Variants in EFHB observed in about 807,000 individuals in gnomAD.
The protein encoded by EFHB is EF-hand domain-containing family member B.
EFHB carries 91 observed loss-of-function variants against 87.2 expected under a neutral mutation model. That is an observed-to-expected ratio of 1.04 (90% CI 0.88 to 1.24). EFHB has a LOEUF of 1.24. Ranked by LOEUF, EFHB falls within the 50% of genes most tolerant of loss-of-function variation. EFHB has a pLI of 0.00. For missense variants in EFHB, 1,084 were observed against 998.8 expected (o/e 1.09, Z -1.15); for synonymous variants, 325 against 333.6 (o/e 0.97, Z 0.28).
Position 19,903,884 on chromosome 3 carries a change from A to T in EFHB, c.1418+1736T>A, listed in dbSNP as rs544421640. Among the ~76,000 whole-genome samples the T allele has an allele frequency of 5.3e-5, 8 of 152,298 alleles. No individual in the cohort carries two copies. The South Asian group carries it at 1.7e-3, about 32-fold the overall frequency. The stretch of plus-strand genomic sequence containing the variant: ...TGATACGTCTGAGCTGCATGATCTT[A>T]GGCAAATGATTTAACCCCTCTGTAC... On this transcript the variant is annotated intron_variant, in intron 6 of 12. Coordinates refer to ENST00000295824, the MANE Select transcript of EFHB (RefSeq NM_144715.4).
chr3:19,888,845 T>C (rs960264884), intron 9 of EFHB, among the ~76,000 whole-genome samples, 194 bp from the exon 10 acceptor site: 8 of 152,240 alleles, frequency 5.3e-5, no homozygotes, highest in African/African-American at 1.4e-4. Flanking sequence ...GGGCTTGACA[T>C]TTCATATGAC....
chr3:19,915,285 G>A lies in EFHB; in HGVS notation c.1288+18C>T. On this transcript the variant is annotated intron_variant, in intron 5 of 12. Coordinates refer to ENST00000295824, the MANE Select transcript of EFHB (RefSeq NM_144715.4). ...AGTCCCATATCCTCAGGCCCATTTT[G>A]CATCGGAGGACACTTACCTGCATAA... 1 of 1,551,018 alleles carries A rather than the reference G, an allele frequency of 6.4e-7. No homozygotes were observed. Among genetic ancestry groups the A allele is most frequent in the Non-Finnish European group, 8.9e-7 (1 of 1,127,392 alleles).
rs1376065998 is a variant in EFHB, at chr3:19,908,588, GAGAGAGAGAGAGAA to G, written c.1289-2853_1289-2840del. Reference sequence around the variant, plus strand: ...AGAGAGAGAGAGAGAGAGAGAGAGAGAGAGAGAGAGAGAAAGAAAGAAAGAAAGAAAGAAAGAAA... The same window carrying G: ...AGAGAGAGAGAGAGAGAGAGAGAGAGAGAAAGAAAGAAAGAAAGAAAGAAA... On this transcript the variant is annotated intron_variant, in intron 5 of 12. Transcript: ENST00000295824. 3.5e-3 allele frequency among the ~76,000 whole-genome samples: 428 copies of G among 121,624 alleles called. 2 individuals carry two copies. Among genetic ancestry groups the G allele is most frequent in the African/African-American group, 9.7e-3 (245 of 25,304 alleles). 79.8% of individuals were successfully genotyped at this position (121,624 alleles called of 152,430 possible). A position where few individuals can be genotyped will look rare whatever the true frequency, so the allele number is the denominator to read the frequency against.
intron 1 of EFHB, among the ~76,000 whole-genome samples, chr3:19,929,163 C>T (rs1305511392): frequency 2.6e-5 from 4 of 151,654 alleles, no homozygotes; most frequent in Non-Finnish European, 5.9e-5. Context: ...AAACTCTATC[C>T]TTAAGCAAAT....
At chr3:19,901,585 T>C (rs1464721399) in intron 6 of EFHB, among the ~76,000 whole-genome samples, 1 of 152,120 alleles carries the variant, frequency 6.6e-6, no homozygotes, top group East Asian at 1.9e-4. Context: ...GGGGGAAGAA[T>C]GTAGGTGGAG....
chr3:19,895,286 C>T (rs1231125192), intron 9 of EFHB, among the ~76,000 whole-genome samples: 2 of 151,552 alleles, frequency 1.3e-5, no homozygotes, highest in African/African-American at 4.8e-5. Flanking sequence ...TCGAGACCAT[C>T]CTGGCTAACA....
rs749205234 is a variant in EFHB, at chr3:19,896,796, C to T, written c.1616G>A (p.Arg539Gln). Residue 539 changes from arginine (R) to glutamine (Q), a missense_variant, in exon 9 of 13, where the codon CGA becomes CAA. Arg to Gln is a conservative substitution (Grantham distance 43). Coordinates refer to ENST00000295824, the MANE Select transcript of EFHB (RefSeq NM_144715.4). ...IHNRLPDEYL[R>Q]GKDRQRALIA... is the part of the protein sequence containing the mutation. The stretch of plus-strand genomic sequence containing the variant: ...CAGGGCTCGCTGTCTATCCTTGCCT[C>T]GAAGATATTCATCCGGAAGTCTATT... 2.4e-5 allele frequency: 38 copies of T among 1,613,864 alleles called. No individual in the cohort carries two copies. Among genetic ancestry groups the T allele is most frequent in the Non-Finnish European group, 3.0e-5 (35 of 1,179,870 alleles).
At position 19,918,325 on chromosome 3, in the gene EFHB, G is replaced by A. The variant is rs1238909937; in HGVS notation, c.1084C>T (p.Arg362Ter). 9.9e-6 allele frequency: 16 copies of A among 1,612,850 alleles called. No individual in the cohort carries two copies. Among genetic ancestry groups the A allele is most frequent in the South Asian group, 3.3e-5 (3 of 90,942 alleles). ...KKESIYLSNR[R>*]APLGKSHDQA... ...TCGTGAGATTTTCCTAATGGTGCTCGTCGATTGCTAAGATATATAGATTCT... is the reference window on the plus strand; with the variant it reads ...TCGTGAGATTTTCCTAATGGTGCTCATCGATTGCTAAGATATATAGATTCT... Residue 362 changes from arginine to a stop codon, truncating the protein, a stop_gained, in exon 4 of 13, where the codon CGA becomes TGA. Transcript: ENST00000295824. LOFTEE classifies it high-confidence loss of function.
upstream of EFHB, among the ~76,000 whole-genome samples, chr3:19,934,403 C>A (rs1695956433): frequency 1.5e-5 from 2 of 133,820 alleles, no homozygotes; most frequent in Admixed American, 7.5e-5. Flanking sequence ...CCCCCCTTCT[C>A]TCTCCTCTCT....
At chr3:19,924,876 A>AT (rs1695564865) in intron 1 of EFHB, among the ~76,000 whole-genome samples, 1 of 151,280 alleles carries the variant, frequency 6.6e-6, no homozygotes, top group South Asian at 2.1e-4. Flanking sequence ...TATAATAATA[A>AT]AAAAAAAGAA....
At chr3:19,918,959 G>A (rs1230857013) in intron 3 of EFHB, among the ~76,000 whole-genome samples, 8 of 138,718 alleles carry the variant, frequency 5.8e-5, no homozygotes, top group African/African-American at 1.9e-4. Context: ...CAGCCTGGGC[G>A]ACAGAGTGAG....
At chr3:19,903,233 G>A (rs1694731378) in intron 6 of EFHB, among the ~76,000 whole-genome samples, 1 of 151,800 alleles carries the variant, frequency 6.6e-6, no homozygotes, top group African/African-American at 2.4e-5. Flanking sequence ...CATAAACAGT[G>A]TCCTCTTGGG....
intron 7 of EFHB, among the ~76,000 whole-genome samples, chr3:19,899,063 A>G (rs1694580951): frequency 6.6e-6 from 1 of 152,250 alleles, no homozygotes. Context: ...CAGAATTACA[A>G]AGAAAAGCAG....
At position 19,898,883 on chromosome 3, in the gene EFHB, C is replaced by G. The variant is rs996705208; in HGVS notation, c.1503-38G>C. 3.2e-6 allele frequency: 5 copies of G among 1,584,490 alleles called. No individual in the cohort carries two copies. In the Admixed American group the frequency reaches 5.1e-5, roughly 16 times the overall value. ...ACAAATCCTTAGTTAAAATACCCAC[C>G]ACATGGCATCTCTGGAATTTAAAAT... On this transcript the variant is annotated intron_variant, in intron 7 of 12. Coordinates refer to ENST00000295824, the MANE Select transcript of EFHB (RefSeq NM_144715.4).
chr3:19,908,335 C>T (rs1225660594), intron 5 of EFHB, among the ~76,000 whole-genome samples: 3 of 151,984 alleles, frequency 2.0e-5, no homozygotes, highest in Non-Finnish European at 4.4e-5. Context: ...AAGTTCGAGA[C>T]CAGCCTGACC....
intron 3 of EFHB, 88 bp from the exon 4 acceptor site, chr3:19,918,500 G>A: frequency 8.1e-7 from 1 of 1,229,852 alleles, no homozygotes; most frequent in South Asian, 1.7e-5. Context: ...GGGGAGAGGA[G>A]ACTGTACGAT....
At chr3:19,924,290 T>C (rs1695541558) in intron 1 of EFHB, among the ~76,000 whole-genome samples, 2 of 151,130 alleles carry the variant, frequency 1.3e-5, no homozygotes, top group Non-Finnish European at 2.9e-5. Context: ...CTTGACTCAC[T>C]ATAACCTCCG....
upstream of EFHB, chr3:19,936,423 G>C (rs2125170267): frequency 1.2e-5 from 6 of 519,912 alleles, no homozygotes; most frequent in South Asian, 2.8e-5. Context: ...AATCAGCCAG[G>C]TGTAGTGGTA....
At chr3:19,939,671 A>T (rs1434701514) in intron 1 of EFHB, among the ~76,000 whole-genome samples, 1 of 152,034 alleles carries the variant, frequency 6.6e-6, no homozygotes, top group Non-Finnish European at 1.5e-5. Flanking sequence ...GGCGTGAACC[A>T]CCGCACCCGC....
Sources: allele counts gnomAD v4.1 joint callset (sites outside exome capture counted in the v4.1 genomes callset), GRCh38; gene constraint gnomAD v4.1.1; transcripts MANE v1.5; gene names NCBI Gene and HGNC (gene_info 2026-07-23, HGNC 2026-07-21).